Variants in PPM1L observed in about 807,000 individuals in gnomAD.
PPM1L encodes the protein protein phosphatase 1L.
In PPM1L, 13 loss-of-function variants were observed where a neutral mutation model predicts 31.4. That is an observed-to-expected ratio of 0.41 (90% CI 0.27 to 0.66). The LOEUF (loss-of-function observed/expected upper bound fraction) is 0.66. Ranked by LOEUF, PPM1L falls within the 30% of genes least tolerant of loss-of-function variation. PPM1L has a pLI of 0.29. For synonymous variants in PPM1L, 184 were observed against 175.4 expected (o/e 1.05, Z -0.39); for missense variants, 326 against 453.7 (o/e 0.72, Z 2.56).
intron 1 of PPM1L, among the ~76,000 whole-genome samples, chr3:160,758,096 C>G (rs1260087690): frequency 6.6e-6 from 1 of 152,208 alleles, no homozygotes; most frequent in African/African-American, 2.4e-5. Flanking sequence ...ATTTTCCATC[C>G]ACTCTAGCTT....
intron 1 of PPM1L, among the ~76,000 whole-genome samples, chr3:160,893,686 A>G (rs1336836743): frequency 6.6e-6 from 1 of 152,214 alleles, no homozygotes; most frequent in Admixed American, 6.5e-5. Context: ...AAAACAAAAA[A>G]TTATGCTATA....
chr3:160,785,594 T>C (rs553864328), intron 1 of PPM1L, among the ~76,000 whole-genome samples: 143 of 152,328 alleles, frequency 9.4e-4, no homozygotes, highest in Non-Finnish European at 1.3e-3. Context: ...TGATTCTAGC[T>C]TCCTTTTCAT....
intron 1 of PPM1L, among the ~76,000 whole-genome samples, chr3:160,798,677 A>G (rs899244972): frequency 6.6e-6 from 1 of 152,238 alleles, no homozygotes; most frequent in African/African-American, 2.4e-5. Flanking sequence ...ATGGAGATGT[A>G]CAAGGAAATT....
At chr3:160,934,465 A>G (rs1455019696) in intron 1 of PPM1L, among the ~76,000 whole-genome samples, 1 of 152,264 alleles carries the variant, frequency 6.6e-6, no homozygotes, top group South Asian at 2.1e-4. Context: ...ATATATGTTC[A>G]TTGTAGAAAT....
intron 2 of PPM1L, among the ~76,000 whole-genome samples, chr3:160,975,212 G>A (rs1360942265): frequency 6.6e-6 from 1 of 152,058 alleles, no homozygotes; most frequent in Non-Finnish European, 1.5e-5. Flanking sequence ...TGAGGGCTCT[G>A]TTCTGTTCCA....
chr3:160,774,964 C>A (rs1223312753), intron 1 of PPM1L, among the ~76,000 whole-genome samples: 1 of 152,140 alleles, frequency 6.6e-6, no homozygotes. Context: ...TGATGTCTAA[C>A]AAATGAAAAG....
chr3:160,911,625 G>C (rs1560148410), intron 1 of PPM1L, among the ~76,000 whole-genome samples: 1 of 152,184 alleles, frequency 6.6e-6, no homozygotes, highest in Admixed American at 6.5e-5. Flanking sequence ...CCTATGCAAT[G>C]AGAAAAACAA....
chr3:161,020,539 A>G (rs547927415), intron 2 of PPM1L, among the ~76,000 whole-genome samples: 1 of 152,254 alleles, frequency 6.6e-6, no homozygotes, highest in South Asian at 2.1e-4. Flanking sequence ...TCACCATAAG[A>G]TACTGTTTTG....
intron 1 of PPM1L, among the ~76,000 whole-genome samples, chr3:160,843,262 G>T (rs1316807395): frequency 4.6e-5 from 7 of 151,098 alleles, no homozygotes; most frequent in Non-Finnish European, 7.4e-5. Context: ...AGAAATTGTG[G>T]TTATAGAGAA....
chr3:160,960,054 C>G (rs960071242), intron 1 of PPM1L, among the ~76,000 whole-genome samples: 2 of 151,804 alleles, frequency 1.3e-5, no homozygotes, highest in African/African-American at 4.8e-5. Context: ...TCTTCCTGGT[C>G]AGTACATATA....
At chr3:160,991,848 T>G (rs1231385432) in intron 2 of PPM1L, among the ~76,000 whole-genome samples, 1 of 152,164 alleles carries the variant, frequency 6.6e-6, no homozygotes, top group African/African-American at 2.4e-5. Flanking sequence ...TATAGTAAAT[T>G]CATGAAGACA....
In PPM1L at chr3:161,076,826, A is replaced by G. The variant is rs563401647; in HGVS notation, c.*7669A>G. The G allele has an allele frequency of 2.0e-5, 3 of 152,244 alleles. No individual in the cohort carries two copies. Among genetic ancestry groups the G allele is most frequent in the Non-Finnish European group, 4.4e-5 (3 of 68,046 alleles). 9.4% of individuals were successfully genotyped at this position (152,244 alleles called of 1,614,324 possible). A position where few individuals can be genotyped will look rare whatever the true frequency, so the allele number is the denominator to read the frequency against. On this transcript the variant is annotated 3_prime_UTR_variant, in exon 4 of 4. Coordinates refer to ENST00000498165, the MANE Select transcript of PPM1L (RefSeq NM_139245.4). ...CCCAATGTAAACTCTGCTCACATAC[A>G]TAATTTGTATAAGGAAAATGTATGA...
At chr3:161,028,839 A>C (rs1321521499) in intron 2 of PPM1L, among the ~76,000 whole-genome samples, 2 of 152,164 alleles carry the variant, frequency 1.3e-5, no homozygotes, top group African/African-American at 2.4e-5. Flanking sequence ...GCCCTCTAAA[A>C]TTGTAATTAG....
At chr3:160,901,073 C>T (rs189021215) in intron 1 of PPM1L, among the ~76,000 whole-genome samples, 7 of 152,202 alleles carry the variant, frequency 4.6e-5, no homozygotes, top group Admixed American at 6.5e-5. Flanking sequence ...TCCCAGGGCT[C>T]GTTCCTCAAC....
At chr3:160,950,218 G>C (rs1473984852) in intron 1 of PPM1L, among the ~76,000 whole-genome samples, 1 of 152,098 alleles carries the variant, frequency 6.6e-6, no homozygotes, top group East Asian at 1.9e-4. Context: ...GTAAAAATCT[G>C]ATCAACTTGC....
At chr3:161,041,781 A>T (rs1490315536) in intron 2 of PPM1L, among the ~76,000 whole-genome samples, 1 of 151,900 alleles carries the variant, frequency 6.6e-6, no homozygotes, top group East Asian at 1.9e-4. Context: ...AAACACACAC[A>T]CAATTTTCTT....
chr3:160,812,437 T>C (rs1712840809), intron 1 of PPM1L, among the ~76,000 whole-genome samples: 1 of 152,152 alleles, frequency 6.6e-6, no homozygotes, highest in South Asian at 2.1e-4. Flanking sequence ...CTCAGAAGCA[T>C]TGCATTCTGG....
In PPM1L at chr3:161,065,571, T is replaced by C. The variant is rs114370283; in HGVS notation, c.736+7T>C. On this transcript the variant is annotated splice_region_variant and intron_variant, in intron 3 of 3. Coordinates refer to ENST00000498165, the MANE Select transcript of PPM1L (RefSeq NM_139245.4). ...AAGAGGATAAAGAGAGCAGGTGAGC[T>C]TGTGAACACCTCCAAGAAATGTCTG... 11,443 of 1,611,894 alleles carry C rather than the reference T, an allele frequency of 7.1e-3. 59 individuals are homozygous for C. The highest frequency in any genetic ancestry group is 8.9e-3 in the Non-Finnish European group (10,453 of 1,178,498).
intron 1 of PPM1L, chr3:160,842,134 A>G: frequency 1.6e-6 from 1 of 630,372 alleles, no homozygotes; most frequent in South Asian, 1.8e-5. Context: ...TCAGAAGGAG[A>G]GAGATTTTGT....
Sources: allele counts gnomAD v4.1 joint callset (sites outside exome capture counted in the v4.1 genomes callset), GRCh38; gene constraint gnomAD v4.1.1; transcripts MANE v1.5; gene names NCBI Gene and HGNC (gene_info 2026-07-23, HGNC 2026-07-21).